Variants in PIGX observed in about 807,000 individuals in gnomAD.
The protein encoded by PIGX is GPI alpha-1,4-mannosyltransferase I, stabilizing subunit.
PIGX carries 24 observed loss-of-function variants against 28.7 expected under a neutral mutation model. The observed-to-expected ratio is 0.84, with a 90% CI of 0.60 to 1.17. The LOEUF (loss-of-function observed/expected upper bound fraction) is 1.17, where lower values mean the gene tolerates loss of function less well. Ranked by LOEUF, PIGX falls within the 50% of genes most tolerant of loss-of-function variation. The pLI, the probability that PIGX is intolerant of heterozygous loss-of-function variation, is 0.00. For missense variants in PIGX, 305 were observed against 317.8 expected, an observed-to-expected ratio of 0.96 and a Z score of 0.31; for synonymous variants, 127 against 121.0, an observed-to-expected ratio of 1.05 and a Z score of -0.33.
chr3:196,714,434 A>G (rs1035083227), intron 1 of PIGX, among the ~76,000 whole-genome samples: 15 of 150,236 alleles, frequency 1.0e-4, no homozygotes, highest in Non-Finnish European at 2.1e-4. Context: ...ACTGCATTCC[A>G]GCTTGTGTGA....
chr3:196,712,777 C>T (rs843534), intron 1 of PIGX, 133 bp downstream of exon 1: 361,719 of 1,108,468 alleles, frequency 0.33, 59,680 homozygotes, highest in Admixed American at 0.41. Context: ...AGGTCAGACA[C>T]TAGAGCCGTG....
chr3:196,733,771 G>T lies in PIGX; in HGVS notation c.646G>T (p.Val216Leu), dbSNP rs755926805. The change falls in exon 6 of 6, where the codon GTG becomes TTG. Residue 216 changes from valine to leucine, a missense_variant. By Grantham distance (32) the Val-to-Leu change is conservative. Transcript: ENST00000392391. The surrounding 1 kb of genome is among the most constrained non-coding windows in gnomAD (Gnocchi z 4.3). ...TCTCTCTCCATAGGTATATAAGAAT[G>T]TGATTCTACAAGTTCCAGTGGGACT... 1.9e-6 allele frequency: 3 copies of T among 1,594,666 alleles called. No homozygotes were observed. In the South Asian group the frequency reaches 3.3e-5, roughly 18 times the overall value.
At chr3:196,732,266 ATT>A (rs1441067545) in intron 5 of PIGX, among the ~76,000 whole-genome samples, 13,586 of 40,874 alleles carry the variant, frequency 0.33, 1,854 homozygotes, top group Admixed American at 0.37. Flanking sequence ...ATTTTATTTT[ATT>A]TTATTTTTTT....
intron 4 of PIGX, chr3:196,728,368 C>CTG: frequency 3.4e-6 from 2 of 591,600 alleles, no homozygotes; most frequent in Non-Finnish European, 6.0e-6. Flanking sequence ...TCTGCCATCC[C>CTG]TGTCCTTGAC....
At chr3:196,730,134 C>T (rs569468773) in intron 4 of PIGX, among the ~76,000 whole-genome samples, 1 of 151,416 alleles carries the variant, frequency 6.6e-6, no homozygotes, top group South Asian at 2.1e-4. Context: ...TTTAATACTA[C>T]ATTTGTTACC....
intron 3 of PIGX, among the ~76,000 whole-genome samples, chr3:196,727,097 G>A (rs1712551746): frequency 6.6e-6 from 1 of 152,198 alleles, no homozygotes; most frequent in Non-Finnish European, 1.5e-5. Flanking sequence ...GTGATGGGAA[G>A]GAGTTAATGC....
chr3:196,734,168 T>A lies in PIGX; in HGVS notation c.*266T>A. 3.1e-6 allele frequency: 1 copy of A among 325,744 alleles called. No homozygotes were observed. 20.2% of individuals were successfully genotyped at this position (325,744 alleles called of 1,614,324 possible). The stretch of plus-strand genomic sequence containing the variant: ...AATGTTTATTTTGTGAGAAGTGACT[T>A]TATCTTCATTTGGGGTAGAAAAATT... On this transcript the variant is annotated 3_prime_UTR_variant, in exon 6 of 6. Transcript: ENST00000392391.
chr3:196,725,372 G>A (rs1486196023), intron 3 of PIGX, among the ~76,000 whole-genome samples: 1 of 152,150 alleles, frequency 6.6e-6, no homozygotes, highest in Non-Finnish European at 1.5e-5. Context: ...AGGCAATGAA[G>A]GGCAGAGATA....
intron 1 of PIGX, 101 bp downstream of exon 1, chr3:196,712,745 G>A (rs1711880156): frequency 1.3e-5 from 14 of 1,108,634 alleles, no homozygotes; most frequent in Non-Finnish European, 1.5e-5. Context: ...GCGGGACCTA[G>A]ATCAGTAGGG....
rs1560080857 is a variant in PIGX, at chr3:196,732,280, TTTA to T, written c.633+1191_633+1193del. Among the ~76,000 whole-genome samples the T allele has an allele frequency of 4.0e-4, 35 of 87,430 alleles. 2 individuals carry two copies. The highest frequency in any genetic ancestry group is 1.6e-3 in the African/African-American group (32 of 19,964). 57.4% of individuals were successfully genotyped at this position (87,430 alleles called of 152,430 possible). On this transcript the variant is annotated intron_variant, in intron 5 of 5. Transcript: ENST00000392391. ...TATTTTATTTTATTTTATTTTTTTT[TTTA>T]TTTTATTTTTTTTTTTGAGACGGAG...
In PIGX at chr3:196,735,829, T is replaced by C. The variant is rs1712983368; in HGVS notation, c.*1927T>C. ...GTTAGACGGGGAGGGAACACGGTAC[T>C]GTTTAACATCTTAAGAGTATGTGGG... On this transcript the variant is annotated 3_prime_UTR_variant, in exon 6 of 6. Coordinates refer to ENST00000392391, the MANE Select transcript of PIGX (RefSeq NM_017861.4). The C allele has an allele frequency of 6.6e-6, 1 of 152,214 alleles. No individual in the cohort carries two copies. Among genetic ancestry groups the C allele is most frequent in the Non-Finnish European group, 1.5e-5 (1 of 68,036 alleles). 9.4% of individuals were successfully genotyped at this position (152,214 alleles called of 1,614,324 possible).
chr3:196,729,412 AT>A (rs879905465), intron 4 of PIGX, among the ~76,000 whole-genome samples: 462 of 140,674 alleles, frequency 3.3e-3, no homozygotes, highest in African/African-American at 7.5e-3. Context: ...TTTCTTTCTT[AT>A]TTTTTTTTTT....
rs1712963209 is a variant in PIGX at position 196,735,294 on chromosome 3, C to CCA, written c.*1392_*1393insCA. 2.2e-5 allele frequency: 1 copy of CCA among 45,222 alleles called. No individual in the cohort carries two copies. The highest frequency in any genetic ancestry group is 3.8e-5 in the Non-Finnish European group (1 of 26,186). 2.8% of individuals were successfully genotyped at this position (45,222 alleles called of 1,614,324 possible). A position where few individuals can be genotyped will look rare whatever the true frequency, so the allele number is the denominator to read the frequency against. On this transcript the variant is annotated 3_prime_UTR_variant, in exon 6 of 6. Coordinates refer to ENST00000392391, the MANE Select transcript of PIGX (RefSeq NM_017861.4). The stretch of plus-strand genomic sequence containing the variant: ...TGGGCGACAGAGTGAGACTCTGTCT[C>CCA]AAAAAAAAAAAAAAAAAAAAAAAAA...
intron 2 of PIGX, among the ~76,000 whole-genome samples, chr3:196,720,161 T>G (rs1490391145): frequency 6.6e-6 from 1 of 152,264 alleles, no homozygotes; most frequent in African/African-American, 2.4e-5. Flanking sequence ...CATCCATTTA[T>G]GGAACTCTTC....
intron 5 of PIGX, among the ~76,000 whole-genome samples, chr3:196,732,216 T>TTTTA (rs1553797085): frequency 1.6e-4 from 8 of 51,378 alleles, no homozygotes; most frequent in South Asian, 8.3e-4. Context: ...TATATATTAT[T>TTTTA]TATATATATA....
In PIGX at chr3:196,717,265, C is replaced by T. The variant is rs139949323; in HGVS notation, c.176+344C>T. ...GTGGTGAGCCGAGATCATGCCACTG[C>T]ACTCCAGCCTGGGCAACAGAGTGAG... On this transcript the variant is annotated intron_variant, in intron 2 of 5. Coordinates refer to ENST00000392391, the MANE Select transcript of PIGX (RefSeq NM_017861.4). Among the ~76,000 whole-genome samples, 742 of 132,790 alleles carry T rather than the reference C, an allele frequency of 5.6e-3. 10 individuals carry two copies. Among genetic ancestry groups the T allele is most frequent in the Non-Finnish European group, 6.7e-3 (438 of 65,050 alleles). The allele number at this position is 132,790 out of a possible 152,430, so 87.1% of individuals were successfully genotyped here. A position where few individuals can be genotyped will look rare whatever the true frequency, so the allele number is the denominator to read the frequency against.
In PIGX at chr3:196,722,562, G is replaced by T; in HGVS notation, c.318+6G>T. The T allele has an allele frequency of 6.2e-7, 1 of 1,608,524 alleles. No individual in the cohort carries two copies. Among genetic ancestry groups the T allele is most frequent in the Non-Finnish European group, 8.5e-7 (1 of 1,177,642 alleles). ...GAGAGAGAAACATAACAGAGGTACA[G>T]TTATTAGGGGATTTTTTGGGAGAGA... On this transcript the variant is annotated splice_donor_region_variant and intron_variant, in intron 3 of 5. Transcript: ENST00000392391.
At chr3:196,716,826 G>A in intron 1 of PIGX, 32 bp from the exon 2 acceptor site, 1 of 1,279,438 alleles carries the variant, frequency 7.8e-7, no homozygotes, top group Non-Finnish European at 1.1e-6. Flanking sequence ...CAGTGCTTTT[G>A]TTTTTAAAAA....
rs1466694333 is a variant in PIGX, at chr3:196,734,707, T to A, written c.*805T>A. The A allele has an allele frequency of 6.6e-6, 1 of 152,252 alleles. No individual in the cohort carries two copies. The highest frequency in any genetic ancestry group is 1.5e-5 in the Non-Finnish European group (1 of 68,044). 9.4% of individuals were successfully genotyped at this position (152,252 alleles called of 1,614,324 possible). ...GACAGCTAAGAAATTAATATTAATATCAAAATTATTGATAATCTTAAATTA... is the reference window on the plus strand; with the variant it reads ...GACAGCTAAGAAATTAATATTAATAACAAAATTATTGATAATCTTAAATTA... On this transcript the variant is annotated 3_prime_UTR_variant, in exon 6 of 6. Transcript: ENST00000392391.
Sources: gnomAD v4.1 joint callset for allele counts (sites outside exome capture counted in the v4.1 genomes callset) on GRCh38, gnomAD v4.1.1 for gene constraint, Gnocchi (gnomAD v3.1) non-coding constraint, MANE v1.5 for transcripts, NCBI Gene and HGNC (gene_info 2026-07-23, HGNC 2026-07-21) for gene names.